Variants in MED15 observed in about 807,000 individuals in gnomAD.
MED15 encodes mediator of RNA polymerase II transcription subunit 15.
Under a neutral mutation model 118.7 loss-of-function variants are expected in MED15, and 41 were observed. That is an observed-to-expected ratio of 0.35 (90% confidence interval 0.27 to 0.45). The LOEUF is 0.45. MED15 is among the 20% of genes least tolerant of loss of function. The pLI is 1.00. For missense variants in MED15, 740 were observed against 1,025.5 expected, an observed-to-expected ratio of 0.72 and a Z score of 3.80; for synonymous variants, 436 against 413.9, an observed-to-expected ratio of 1.05 and a Z score of -0.65.
At chr22:20,532,039 T>C (rs1250785861) in intron 1 of MED15, among the ~76,000 whole-genome samples, 1 of 152,136 alleles carries the variant, frequency 6.6e-6, no homozygotes, top group Non-Finnish European at 1.5e-5. Context: ...CCTGCTCTGC[T>C]GGTGAGGAGC....
intron 1 of MED15, among the ~76,000 whole-genome samples, chr22:20,523,480 C>T (rs75902369): frequency 6.6e-6 from 1 of 152,122 alleles, no homozygotes; most frequent in Non-Finnish European, 1.5e-5. Flanking sequence ...CCCACCCTTC[C>T]TCATCACCTC....
At chr22:20,511,953 C>T (rs979846446) in intron 1 of MED15, among the ~76,000 whole-genome samples, 2 of 140,494 alleles carry the variant, frequency 1.4e-5, no homozygotes, top group Non-Finnish European at 3.1e-5. Context: ...CGTGTTCTGA[C>T]CTCTCTGGTC....
intron 8 of MED15, among the ~76,000 whole-genome samples, chr22:20,570,945 T>C (rs1384680910): frequency 6.6e-6 from 1 of 151,446 alleles, no homozygotes; most frequent in Admixed American, 6.6e-5. Flanking sequence ...TTTTTTCCTC[T>C]TGTATTTTTA....
At chr22:20,553,362 A>C (rs1347493459) in intron 4 of MED15, among the ~76,000 whole-genome samples, 188 bp downstream of exon 4, 2 of 151,782 alleles carry the variant, frequency 1.3e-5, no homozygotes, top group Admixed American at 1.3e-4. Context: ...CTTCCTGCAG[A>C]CTGTGAAGTC....
At chr22:20,518,140 G>A (rs763860610) in intron 1 of MED15, among the ~76,000 whole-genome samples, 1 of 110,574 alleles carries the variant, frequency 9.0e-6, no homozygotes, top group Non-Finnish European at 1.9e-5. Flanking sequence ...AGGATGCGTG[G>A]TACAGGCTGA....
intron 16 of MED15, 88 bp downstream of exon 16, chr22:20,585,355 C>T (rs147006262): frequency 1.4e-5 from 21 of 1,511,650 alleles, no homozygotes; most frequent in Middle Eastern, 1.7e-4. Flanking sequence ...GATGGCACAG[C>T]GCCCAGAACC....
Position 20,548,231 on chromosome 22 carries a change from G to A in MED15, c.157-3205G>A, listed in dbSNP as rs186121684. Among the ~76,000 whole-genome samples, 48 of 151,668 alleles carry A rather than the reference G, an allele frequency of 3.2e-4. No homozygotes were observed. In the East Asian group the frequency reaches 8.6e-3, roughly 27 times the overall value. The stretch of plus-strand genomic sequence containing the variant: ...GGCTGGAGTGCAGTGGCGTGATCGC[G>A]GCTCACTGCAACCTCTGCCTCCTGG... On this transcript the variant is annotated intron_variant, in intron 2 of 17. Coordinates refer to ENST00000263205, the MANE Select transcript of MED15 (RefSeq NM_001003891.3).
chr22:20,541,991 A>G (rs1052679158), intron 2 of MED15, among the ~76,000 whole-genome samples: 11 of 152,138 alleles, frequency 7.2e-5, no homozygotes, highest in African/African-American at 1.9e-4. Context: ...ACAGGGTCTC[A>G]TCATGTTGGC....
intron 5 of MED15, among the ~76,000 whole-genome samples, chr22:20,558,766 C>T (rs571472803): frequency 6.6e-6 from 1 of 152,176 alleles, no homozygotes; most frequent in East Asian, 1.9e-4. Context: ...CCCCCCATAC[C>T]CCCCAGAAGC....
At chr22:20,566,169 A>G (rs2056432349) in intron 6 of MED15, among the ~76,000 whole-genome samples, 1 of 151,174 alleles carries the variant, frequency 6.6e-6, no homozygotes, top group Non-Finnish European at 1.5e-5. Context: ...CCTCCCAAGT[A>G]GCTGGGATTA....
intron 3 of MED15, chr22:20,552,446 G>T (rs1027062592): frequency 8.6e-6 from 3 of 349,294 alleles, no homozygotes; most frequent in Non-Finnish European, 1.8e-5. Context: ...TCTCTGTGGT[G>T]TTGGAAAGTC....
intron 3 of MED15, 186 bp downstream of exon 3, chr22:20,551,673 C>T (rs1239578781): frequency 4.7e-6 from 3 of 634,970 alleles, no homozygotes; most frequent in South Asian, 1.8e-5. Flanking sequence ...CCTCCCAGAG[C>T]CTTGGCCTCA....
At chr22:20,561,444 C>T (rs758680796) in intron 5 of MED15, among the ~76,000 whole-genome samples, 4 of 151,470 alleles carry the variant, frequency 2.6e-5, no homozygotes, top group African/African-American at 4.9e-5. Context: ...CGCTAGAACC[C>T]GGGAGGCGGA....
At chr22:20,521,949 C>G (rs2054478708) in intron 1 of MED15, 1 of 151,850 alleles carries the variant, frequency 6.6e-6, no homozygotes, top group Admixed American at 6.6e-5. Flanking sequence ...TGGTGTTGAA[C>G]TCCTGACCTG....
chr22:20,571,434 CTGCCA>C (rs2056658734), intron 8 of MED15, among the ~76,000 whole-genome samples: 1 of 152,242 alleles, frequency 6.6e-6, no homozygotes, highest in South Asian at 2.1e-4. Flanking sequence ...GCACCATGTG[CTGCCA>C]TGCAGGGGAT....
Position 20,555,013 on chromosome 22 carries a change from C to G in MED15, c.316C>G (p.Pro106Ala), listed in dbSNP as rs369714916. 89 of 1,612,254 alleles carry G rather than the reference C, an allele frequency of 5.5e-5. No homozygotes were observed. Among genetic ancestry groups the G allele is most frequent in the Non-Finnish European group, 7.4e-5 (87 of 1,180,024 alleles). Reference sequence around the variant, plus strand: ...TGGAATTGGCATGCCTCCTCGGGGCCCGGGACAGTCTCTGGGCGGGATGGG... The same window carrying G: ...TGGAATTGGCATGCCTCCTCGGGGCGCGGGACAGTCTCTGGGCGGGATGGG... ...AAGIGMPPRG[P>A]GQSLGGMGSL... is the part of the protein sequence containing the mutation. Residue 106 changes from proline to alanine, a missense_variant, in exon 5 of 18, where the codon CCG becomes GCG. Physicochemically the swap from Pro to Ala is conservative, Grantham distance 27. Around this residue, in one of 7 missense-constraint regions of MED15, gnomAD observed 117 missense variants for 124.6 expected, o/e 0.94. Transcript: ENST00000263205.
chr22:20,509,336 G>A (rs1447433626), intron 1 of MED15, among the ~76,000 whole-genome samples: 1 of 152,172 alleles, frequency 6.6e-6, no homozygotes, highest in African/African-American at 2.4e-5. Flanking sequence ...GCAGAGAAGA[G>A]AGACCAGTTA....
intron 1 of MED15, among the ~76,000 whole-genome samples, chr22:20,533,557 G>T (rs1035189602): frequency 2.6e-5 from 4 of 152,186 alleles, no homozygotes; most frequent in Non-Finnish European, 4.4e-5. Flanking sequence ...TGTTCTGAGC[G>T]GTAGCCTTGC....
intron 5 of MED15, among the ~76,000 whole-genome samples, chr22:20,563,530 G>C (rs2056320241): frequency 6.6e-6 from 1 of 152,230 alleles, no homozygotes; most frequent in Non-Finnish European, 1.5e-5. Flanking sequence ...GGGTTGCTGA[G>C]AGAGGTGGCA....
Sources: allele counts gnomAD v4.1 joint callset (sites outside exome capture counted in the v4.1 genomes callset), GRCh38; gene constraint gnomAD v4.1.1; regional missense constraint gnomAD v4.1.1; transcripts MANE v1.5; gene names NCBI Gene and HGNC (gene_info 2026-07-23, HGNC 2026-07-21).